PXN: variants seen among roughly 807,000 people sequenced by gnomAD.
PXN encodes the protein paxillin.
Under a neutral mutation model 103.6 loss-of-function variants are expected in PXN, and 61 were observed. That is an observed-to-expected ratio of 0.59 (90% CI 0.48 to 0.73). The LOEUF is 0.73. Among genes scored for constraint, PXN ranks in the 30% least tolerant of loss-of-function variants. The pLI, the probability that PXN is intolerant of heterozygous loss-of-function variation, is 0.00. For synonymous variants in PXN, 562 were observed against 607.8 expected, an observed-to-expected ratio of 0.92 and a Z score of 1.11; for missense variants, 1,274 against 1,460.3, an observed-to-expected ratio of 0.87 and a Z score of 2.08.
rs1324308281 is a variant in PXN, at chr12:120,220,248, A to G, written c.832-157T>C. Among the ~76,000 whole-genome samples the G allele has an allele frequency of 2.0e-5, 3 of 152,162 alleles. No individual in the cohort carries two copies. The highest frequency in any genetic ancestry group is 2.9e-5 in the Non-Finnish European group (2 of 68,012). On this transcript the variant is annotated intron_variant, in intron 6 of 14. Coordinates refer to ENST00000637617, the MANE Select transcript of PXN (RefSeq NM_001385981.1). The surrounding 1 kb of genome is among the most constrained non-coding windows in gnomAD (Gnocchi z 6.1). ...ACCCTTGAAGGAGACCCAGACCCCA[A>G]AAAAGCTTCCCTGGGCTTTGCGTGC...
Position 120,220,053 on chromosome 12 carries a change from C to G in PXN, c.870G>C (p.Leu290=). ...AGTATGAGGACGGAGCAGAGCTGGA[C>G]AGCCCCGGGGCACTCAGAGCCACAG... ...SSTVALSAPG[L]SSSAPSSYCS... is the part of the protein sequence containing the mutation. Residue 290 remains leucine, a synonymous_variant, in exon 7 of 15, where the codon CTG becomes CTC. Coordinates refer to ENST00000637617, the MANE Select transcript of PXN (RefSeq NM_001385981.1). The surrounding 1 kb of genome is among the most constrained non-coding windows in gnomAD (Gnocchi z 6.1). The G allele has an allele frequency of 6.9e-7, 1 of 1,449,902 alleles. No individual in the cohort carries two copies. Among genetic ancestry groups the G allele is most frequent in the Non-Finnish European group, 9.4e-7 (1 of 1,067,710 alleles). 89.8% of individuals were successfully genotyped at this position (1,449,902 alleles called of 1,614,324 possible).
chr12:120,224,552 G>C lies in PXN; in HGVS notation c.14-175C>G, dbSNP rs1886274176. The C allele has an allele frequency of 1.4e-6, 1 of 716,054 alleles. No homozygotes were observed. The highest frequency in any genetic ancestry group is 2.5e-6 in the Non-Finnish European group (1 of 393,474). 44.4% of individuals were successfully genotyped at this position (716,054 alleles called of 1,614,324 possible). A position where few individuals can be genotyped will look rare whatever the true frequency, so the allele number is the denominator to read the frequency against. On this transcript the variant is annotated intron_variant, in intron 1 of 14. Transcript: ENST00000637617. This position sits in a 1 kb window ranked among gnomAD's most constrained non-coding sequence, Gnocchi z 5.0. Reference sequence around the variant, plus strand: ...CACCAGCCCCGACCAGCCTAACCAAGAGCCGGCTCCCAAAGCTAACTTCTT... The same window carrying C: ...CACCAGCCCCGACCAGCCTAACCAACAGCCGGCTCCCAAAGCTAACTTCTT...
In PXN at chr12:120,226,433, G is replaced by A. The variant is rs184539448; in HGVS notation, c.14-2056C>T. The A allele has an allele frequency of 5.0e-5, 65 of 1,288,950 alleles. No individual in the cohort carries two copies. In the African/African-American group the frequency reaches 9.1e-4, roughly 18 times the overall value. The allele number at this position is 1,288,950 out of a possible 1,614,324, so 79.8% of individuals were successfully genotyped here. ...CAGAGGCAGAGTCACATCCCACACTGCCAAGGCTGGATGAAGTGACAATGC... is the reference window on the plus strand; with the variant it reads ...CAGAGGCAGAGTCACATCCCACACTACCAAGGCTGGATGAAGTGACAATGC... On this transcript the variant is annotated intron_variant, in intron 1 of 14. Coordinates refer to ENST00000637617, the MANE Select transcript of PXN (RefSeq NM_001385981.1).
intron 1 of PXN, among the ~76,000 whole-genome samples, chr12:120,230,189 C>G (rs546952359): frequency 6.6e-6 from 1 of 152,222 alleles, no homozygotes; most frequent in South Asian, 2.1e-4. Flanking sequence ...CAGCAAGCAC[C>G]GCCCTGAAAG....
At chr12:120,257,687 T>C (rs1893236117) in intron 1 of PXN, among the ~76,000 whole-genome samples, 1 of 151,410 alleles carries the variant, frequency 6.6e-6, no homozygotes, top group Non-Finnish European at 1.5e-5. Flanking sequence ...ACCAAGGGAG[T>C]GGGGATTCCA....
intron 1 of PXN, among the ~76,000 whole-genome samples, chr12:120,252,595 G>C (rs1892364452): frequency 6.6e-6 from 1 of 152,108 alleles, no homozygotes; most frequent in Non-Finnish European, 1.5e-5. Context: ...ATACCCCCTA[G>C]ATCTGGCAAC....
At chr12:120,235,913 A>G (rs1343374687) in intron 1 of PXN, among the ~76,000 whole-genome samples, 1 of 152,162 alleles carries the variant, frequency 6.6e-6, no homozygotes, top group Non-Finnish European at 1.5e-5. Flanking sequence ...CCTCGCAGAG[A>G]TGACATCAGA....
chr12:120,237,248 T>G (rs1035551114), intron 1 of PXN, among the ~76,000 whole-genome samples: 53 of 151,902 alleles, frequency 3.5e-4, no homozygotes, highest in Non-Finnish European at 4.9e-4. Flanking sequence ...AACCTCTGCC[T>G]CTTGGGGTCA....
chr12:120,265,517 C>A lies in PXN; in HGVS notation c.13+100G>T. 2.3e-6 allele frequency: 3 copies of A among 1,316,918 alleles called. No individual in the cohort carries two copies. In the South Asian group the frequency reaches 4.6e-5, roughly 20 times the overall value. 81.6% of individuals were successfully genotyped at this position (1,316,918 alleles called of 1,614,324 possible). On this transcript the variant is annotated intron_variant, in intron 1 of 14. Coordinates refer to ENST00000637617, the MANE Select transcript of PXN (RefSeq NM_001385981.1). The surrounding 1 kb of genome is among the most constrained non-coding windows in gnomAD (Gnocchi z 5.7). ...GGACAGGAGCTGAGGCCGGGGCCGC[C>A]GAGGGTGGGATCCCGCGGCCCCTGC...
rs1303778923 is a variant in PXN at position 120,213,793 on chromosome 12, C to A, written c.2979+49G>T. Reference sequence around the variant, plus strand: ...AGCACAATGAGGAAGACCCCTCTCTCCCCACTGCCTGCTCCTCGCCCCTCC... The same window carrying A: ...AGCACAATGAGGAAGACCCCTCTCTACCCACTGCCTGCTCCTCGCCCCTCC... On this transcript the variant is annotated intron_variant, in intron 14 of 14. Transcript: ENST00000637617. The surrounding 1 kb of genome is among the most constrained non-coding windows in gnomAD (Gnocchi z 4.2). 3.8e-6 allele frequency: 6 copies of A among 1,577,366 alleles called. No homozygotes were observed. The highest frequency in any genetic ancestry group is 5.2e-6 in the Non-Finnish European group (6 of 1,161,538).
At position 120,214,331 on chromosome 12, in the gene PXN, C is replaced by T. The variant is rs913260034; in HGVS notation, c.2749-114G>A. 1.5e-5 allele frequency: 13 copies of T among 865,228 alleles called. No individual in the cohort carries two copies. The highest frequency in any genetic ancestry group is 2.0e-5 in the Non-Finnish European group (11 of 543,176). 53.6% of individuals were successfully genotyped at this position (865,228 alleles called of 1,614,324 possible). On this transcript the variant is annotated intron_variant, in intron 12 of 14. Transcript: ENST00000637617. The surrounding 1 kb of genome is among the most constrained non-coding windows in gnomAD (Gnocchi z 5.0). ...TCATAGCCATAGACAGAGCAAAACACTCCCAAGATGGGGGTCTCTCCTAAT... is the reference window on the plus strand; with the variant it reads ...TCATAGCCATAGACAGAGCAAAACATTCCCAAGATGGGGGTCTCTCCTAAT...
chr12:120,248,275 GA>G (rs2136593063), intron 1 of PXN, among the ~76,000 whole-genome samples: 1 of 152,124 alleles, frequency 6.6e-6, no homozygotes, highest in East Asian at 1.9e-4. Flanking sequence ...CACAGAGCAG[GA>G]AATGCTCCCT....
Position 120,229,122 on chromosome 12 carries a change from G to A in PXN, c.14-4745C>T, listed in dbSNP as rs527738665. ...ATTCCTGTACCCACCTAGGGGCTCC[G>A]GGTGGAAGGAAACCTGGGTCCCCTT... is the stretch of plus-strand genomic sequence containing the variant. On this transcript the variant is annotated intron_variant, in intron 1 of 14. Transcript: ENST00000637617. This position sits in a 1 kb window ranked among gnomAD's most constrained non-coding sequence, Gnocchi z 4.0. Among the ~76,000 whole-genome samples, 8 of 152,290 alleles carry A rather than the reference G, an allele frequency of 5.3e-5. No individual in the cohort carries two copies. The highest frequency in any genetic ancestry group is 2.0e-4 in the Admixed American group (3 of 15,304).
chr12:120,250,069 C>T (rs534092721), intron 1 of PXN: 1 of 985,570 alleles, frequency 1.0e-6, no homozygotes, highest in Admixed American at 6.1e-5. Context: ...CACACCCACC[C>T]CAGAGGAGCC....
chr12:120,265,684 C>T lies in PXN; in HGVS notation c.-55G>A. 7.1e-7 allele frequency: 1 copy of T among 1,414,830 alleles called. No homozygotes were observed. The highest frequency in any genetic ancestry group is 9.2e-7 in the Non-Finnish European group (1 of 1,084,248). 87.6% of individuals were successfully genotyped at this position (1,414,830 alleles called of 1,614,324 possible). ...GCGCTAGCTGCCCGTCCCGGGGCCG[C>T]TCGTCTATGCCCCGCAACTTTTCCG... On this transcript the variant is annotated 5_prime_UTR_variant, in exon 1 of 15. Transcript: ENST00000637617. The surrounding 1 kb of genome is among the most constrained non-coding windows in gnomAD (Gnocchi z 5.7).
At chr12:120,255,821 G>A (rs950408082) in intron 1 of PXN, among the ~76,000 whole-genome samples, 10 of 152,050 alleles carry the variant, frequency 6.6e-5, no homozygotes, top group South Asian at 4.2e-4. Flanking sequence ...CGAGGTGGGC[G>A]GATTACCTGA....
chr12:120,224,155 T>C lies in PXN; in HGVS notation c.236A>G (p.Gln79Arg). 1 of 1,574,116 alleles carries C rather than the reference T, an allele frequency of 6.4e-7. No homozygotes were observed. The highest frequency in any genetic ancestry group is 2.3e-5 in the East Asian group (1 of 43,326). Residue 79 changes from glutamine to arginine, a missense_variant, in exon 2 of 15, where the codon CAG becomes CGG. Gln to Arg is a conservative substitution (Grantham distance 43, BLOSUM62 1). Coordinates refer to ENST00000637617, the MANE Select transcript of PXN (RefSeq NM_001385981.1). The surrounding 1 kb of genome is among the most constrained non-coding windows in gnomAD (Gnocchi z 5.0). ...CAGCCACTGTCCCCGCCTCACCTGC[T>C]GGTGGATGAATCGGGAGCTGCTGGG... ...WQPSSSRFIH[Q>R]QPQSSSPVYG...
intron 1 of PXN, among the ~76,000 whole-genome samples, chr12:120,260,663 T>C (rs895383340): frequency 6.6e-6 from 1 of 152,168 alleles, no homozygotes; most frequent in African/African-American, 2.4e-5. Context: ...TGCAGTATTA[T>C]GAACAGAAGT....
At position 120,219,367 on chromosome 12, in the gene PXN, C is replaced by A. The variant is rs549218932; in HGVS notation, c.1556G>T (p.Arg519Met). Residue 519 changes from arginine to methionine, a missense_variant, in exon 7 of 15, where the codon AGG (arginine) becomes ATG (methionine). Physicochemically the swap from Arg to Met is moderately conservative, Grantham distance 91 (BLOSUM62 -1). Coordinates refer to ENST00000637617, the MANE Select transcript of PXN (RefSeq NM_001385981.1). The surrounding 1 kb of genome is among the most constrained non-coding windows in gnomAD (Gnocchi z 6.5). Reference sequence around the variant, plus strand: ...CTGGGTTGGCCTGGCCACACTTCCCCTCTCGGTCATCTTTGCACCTAGCTG... The same window carrying A: ...CTGGGTTGGCCTGGCCACACTTCCCATCTCGGTCATCTTTGCACCTAGCTG... ...TEQLGAKMTE[R>M]GSVARPTQGP... 1 of 1,598,460 alleles carries A rather than the reference C, an allele frequency of 6.3e-7. No homozygotes were observed. The highest frequency in any genetic ancestry group is 1.7e-5 in the Admixed American group (1 of 60,022).
Sources: gnomAD v4.1 joint callset for allele counts (sites outside exome capture counted in the v4.1 genomes callset) on GRCh38, gnomAD v4.1.1 for gene constraint, Gnocchi (gnomAD v3.1) non-coding constraint, MANE v1.5 for transcripts, NCBI Gene and HGNC (gene_info 2026-07-23, HGNC 2026-07-21) for gene names.